The following ATF2 variants were observed in gnomAD, a reference collection of about 807,000 sequenced individuals.
ATF2 encodes cyclic AMP-dependent transcription factor ATF-2.
Under a neutral mutation model 60.6 loss-of-function variants are expected in ATF2, and 24 were observed. The ratio of observed to expected loss-of-function variants is 0.40; its 90% CI spans 0.29 to 0.56. The LOEUF (loss-of-function observed/expected upper bound fraction) is 0.56, where lower values mean the gene tolerates loss of function less well. ATF2 is among the 20% of genes least tolerant of loss of function. The pLI, the probability that ATF2 is intolerant of heterozygous loss-of-function variation, is 0.54. For missense variants in ATF2, 433 were observed against 607.7 expected (o/e 0.71, Z 3.02); for synonymous variants, 206 against 215.4 (o/e 0.96, Z 0.38).
chr2:175,144,845 C>G (rs1698837719), intron 2 of ATF2, among the ~76,000 whole-genome samples: 1 of 152,222 alleles, frequency 6.6e-6, no homozygotes, highest in South Asian at 2.1e-4. Context: ...TAGTCCAGCA[C>G]AGGGTGTCAG....
intron 12 of ATF2, among the ~76,000 whole-genome samples, chr2:175,087,044 G>A (rs1163757686): frequency 6.6e-6 from 1 of 151,854 alleles, no homozygotes; most frequent in Non-Finnish European, 1.5e-5. Flanking sequence ...GGGATGTTCA[G>A]CCACAAAAAG....
intron 12 of ATF2, among the ~76,000 whole-genome samples, chr2:175,086,058 T>C (rs891719112): frequency 6.6e-6 from 1 of 152,182 alleles, no homozygotes. Context: ...CTACACCTTT[T>C]AAATGGCAGA....
At chr2:175,123,380 C>T (rs966441727) in intron 4 of ATF2, among the ~76,000 whole-genome samples, 3 of 152,038 alleles carry the variant, frequency 2.0e-5, no homozygotes, top group Admixed American at 6.6e-5. Context: ...CATAATGTGG[C>T]TTTTCCACTG....
At chr2:175,099,494 T>C (rs1349383529) in intron 10 of ATF2, among the ~76,000 whole-genome samples, 1 of 152,204 alleles carries the variant, frequency 6.6e-6, no homozygotes, top group African/African-American at 2.4e-5. Context: ...CCTCATGCCC[T>C]TTCCTGTCAT....
intron 2 of ATF2, among the ~76,000 whole-genome samples, chr2:175,143,407 AG>A (rs1191176644): frequency 6.6e-6 from 1 of 152,214 alleles, no homozygotes; most frequent in Non-Finnish European, 1.5e-5. Context: ...ACGGCTATAT[AG>A]TACTCCATCA....
intron 10 of ATF2, among the ~76,000 whole-genome samples, chr2:175,108,331 AC>A (rs984389994): frequency 8.7e-6 from 1 of 115,440 alleles, no homozygotes; most frequent in African/African-American, 3.4e-5. Context: ...TGGGGGGTCA[AC>A]CCCCGCCCGG....
At chr2:175,166,381 G>C (rs1485194111) in intron 1 of ATF2, among the ~76,000 whole-genome samples, 1 of 152,196 alleles carries the variant, frequency 6.6e-6, no homozygotes, top group Admixed American at 6.5e-5. Flanking sequence ...AAGATTCCTA[G>C]AAATTATTTT....
At chr2:175,088,224 T>C (rs1437080977) in intron 12 of ATF2, among the ~76,000 whole-genome samples, 2 of 152,160 alleles carry the variant, frequency 1.3e-5, no homozygotes, top group East Asian at 1.9e-4. Context: ...GCTACACTAA[T>C]ACCCCTTTCT....
chr2:175,158,034 C>G (rs1699795143), intron 1 of ATF2, among the ~76,000 whole-genome samples: 1 of 151,728 alleles, frequency 6.6e-6, no homozygotes, highest in Non-Finnish European at 1.5e-5. Flanking sequence ...GTAGGCACAG[C>G]CAAGGTGAAC....
chr2:175,139,305 C>T (rs752155980), intron 2 of ATF2, among the ~76,000 whole-genome samples: 1 of 152,084 alleles, frequency 6.6e-6, no homozygotes, highest in Non-Finnish European at 1.5e-5. Context: ...ATGGGTAAGT[C>T]CATATTTACT....
At chr2:175,152,235 C>T (rs1699358621) in intron 1 of ATF2, among the ~76,000 whole-genome samples, 2 of 152,112 alleles carry the variant, frequency 1.3e-5, no homozygotes, top group South Asian at 2.1e-4. Flanking sequence ...AAGGTCCTGT[C>T]AGGAGCCAAG....
In ATF2 at chr2:175,136,329, T is replaced by A. The variant is rs554884825; in HGVS notation, c.32+83A>T. 3.9e-5 allele frequency: 51 copies of A among 1,298,458 alleles called. 2 individuals are homozygous for A. In the East Asian group the frequency reaches 1.1e-3, roughly 29 times the overall value. The allele number at this position is 1,298,458 out of a possible 1,614,324, so 80.4% of individuals were successfully genotyped here. A position where few individuals can be genotyped will look rare whatever the true frequency, so the allele number is the denominator to read the frequency against. ...GTATGGAAAAAAACACCACAAATACTTACCTAATAGAAACAAGCTATAAAG... is the reference window on the plus strand; with the variant it reads ...GTATGGAAAAAAACACCACAAATACATACCTAATAGAAACAAGCTATAAAG... On this transcript the variant is annotated intron_variant, in intron 3 of 13. Transcript: ENST00000264110.
Position 175,102,323 on chromosome 2 carries a change from T to C in ATF2, c.829-4730A>G, listed in dbSNP as rs115625320. ...GCCAAACTGGAGCTCTAGTCTAATG[T>C]TAAATTTTCTAAATCTATTAGTAAT... is the stretch of plus-strand genomic sequence containing the variant. On this transcript the variant is annotated intron_variant, in intron 10 of 13. Transcript: ENST00000264110. Among the ~76,000 whole-genome samples, 1,035 of 152,340 alleles carry C rather than the reference T, an allele frequency of 6.8e-3. 11 individuals are homozygous for C. Among genetic ancestry groups the C allele is most frequent in the African/African-American group, 0.024 (978 of 41,580 alleles).
At position 175,074,437 on chromosome 2, in the gene ATF2, G is replaced by A. The variant is rs571133128; in HGVS notation, c.*172C>T. 106 of 669,436 alleles carry A rather than the reference G, an allele frequency of 1.6e-4. No individual in the cohort carries two copies. In the South Asian group the frequency reaches 3.0e-3, roughly 19 times the overall value. 41.5% of individuals were successfully genotyped at this position (669,436 alleles called of 1,614,324 possible). A position where few individuals can be genotyped will look rare whatever the true frequency, so the allele number is the denominator to read the frequency against. ...AGTCTTTTTCCAGAGACTAAAAACC[G>A]TTTTTCAGTCTGATCAACTGCTGCT... On this transcript the variant is annotated 3_prime_UTR_variant, in exon 14 of 14. Transcript: ENST00000264110.
At chr2:175,127,049 T>C (rs1002607836) in intron 4 of ATF2, 9 of 151,892 alleles carry the variant, frequency 5.9e-5, no homozygotes, top group East Asian at 1.9e-4. Flanking sequence ...CTGGACAACA[T>C]TGAGAGATCC....
At chr2:175,147,549 T>G (rs967447566) in intron 2 of ATF2, among the ~76,000 whole-genome samples, 3 of 152,220 alleles carry the variant, frequency 2.0e-5, no homozygotes, top group African/African-American at 7.2e-5. Flanking sequence ...CTAAATGTTA[T>G]AGATAATACA....
chr2:175,131,670 T>C (rs1356862465), intron 3 of ATF2, among the ~76,000 whole-genome samples: 1 of 152,230 alleles, frequency 6.6e-6, no homozygotes, highest in African/African-American at 2.4e-5. Flanking sequence ...AATACTGATA[T>C]ATAAATTTTT....
chr2:175,145,035 G>A (rs552154872), intron 2 of ATF2, among the ~76,000 whole-genome samples: 1 of 152,322 alleles, frequency 6.6e-6, no homozygotes, highest in East Asian at 1.9e-4. Flanking sequence ...ATGAACCTTG[G>A]TATTAGATGA....
intron 10 of ATF2, among the ~76,000 whole-genome samples, chr2:175,108,467 G>C (rs1207691906): frequency 2.7e-5 from 4 of 148,484 alleles, no homozygotes; most frequent in Non-Finnish European, 4.5e-5. Flanking sequence ...GGAGGTGGGG[G>C]GTCAGCCCCC....
Sources: gnomAD v4.1 joint callset for allele counts (sites outside exome capture counted in the v4.1 genomes callset) on GRCh38, gnomAD v4.1.1 for gene constraint, MANE v1.5 for transcripts, NCBI Gene and HGNC (gene_info 2026-07-23, HGNC 2026-07-21) for gene names.